FIRRM: variants seen among roughly 807,000 people sequenced by gnomAD.
FIRRM encodes FIGNL1 interacting regulator of recombination and mitosis, also known as FIGNL1-interacting regulator of recombination and mitosis.
chr1:169,839,415 T>A, the FIRRM span, among the ~76,000 whole-genome samples: 1 of 152,214 alleles, frequency 6.6e-6, no homozygotes, highest in Non-Finnish European at 1.5e-5. Flanking sequence ...CTCTGCAGCC[T>A]CACCAGCATC....
chr1:169,853,271 CA>C, the FIRRM span: 2 of 387,868 alleles, frequency 5.2e-6, no homozygotes, highest in Non-Finnish European at 9.2e-6. Flanking sequence ...GAAACCTCAG[CA>C]ATTTAAAATC....
the FIRRM span, among the ~76,000 whole-genome samples, chr1:169,842,743 C>T: frequency 8.5e-5 from 13 of 152,262 alleles, no homozygotes; most frequent in African/African-American, 3.1e-4. Context: ...AATCAGAATA[C>T]GTAATGTGAT....
the FIRRM span, among the ~76,000 whole-genome samples, chr1:169,848,876 G>A: frequency 1.3e-5 from 2 of 152,208 alleles, no homozygotes; most frequent in Non-Finnish European, 2.9e-5. Flanking sequence ...AGATTCATCA[G>A]AACATAGGAG....
chr1:169,836,418 GAA>G, the FIRRM span, among the ~76,000 whole-genome samples: 3 of 152,136 alleles, frequency 2.0e-5, no homozygotes, highest in Admixed American at 2.0e-4. Context: ...TTACCTTTGT[GAA>G]ACTGATTTAG....
At chr1:169,802,824 C>T in the FIRRM span, 1 of 662,586 alleles carries the variant, frequency 1.5e-6, no homozygotes, top group East Asian at 2.7e-5. Flanking sequence ...TATGTAATGG[C>T]CTAATGTTGG....
the FIRRM span, among the ~76,000 whole-genome samples, chr1:169,815,947 CTT>C: frequency 6.6e-6 from 1 of 152,088 alleles, no homozygotes; most frequent in South Asian, 2.1e-4. Context: ...ATTGGGGTCT[CTT>C]ATATTTGGGG....
the FIRRM span, chr1:169,853,848 C>G: frequency 3.2e-6 from 5 of 1,539,132 alleles, no homozygotes; most frequent in East Asian, 4.5e-5. Flanking sequence ...TTTGAAAAAG[C>G]AGGAATTTAA....
the FIRRM span, chr1:169,830,408 A>C: frequency 7.4e-7 from 1 of 1,345,858 alleles, no homozygotes; most frequent in Non-Finnish European, 1.1e-6. Flanking sequence ...AGATAATTTT[A>C]TAATTGTAAG....
chr1:169,799,968 C>G, the FIRRM span, among the ~76,000 whole-genome samples: 16 of 152,088 alleles, frequency 1.1e-4, no homozygotes, highest in Admixed American at 9.8e-4. Context: ...AAGCTATTCT[C>G]CTGCCTCCAT....
the FIRRM span, among the ~76,000 whole-genome samples, chr1:169,816,066 A>G: frequency 6.6e-6 from 1 of 152,200 alleles, no homozygotes; most frequent in African/African-American, 2.4e-5. Flanking sequence ...CGATTTAATA[A>G]AACATTCAGT....
the FIRRM span, chr1:169,807,668 T>C: frequency 3.6e-5 from 29 of 807,088 alleles, no homozygotes; most frequent in Non-Finnish European, 3.4e-5. Flanking sequence ...AGTTATATTA[T>C]GTGATATATG....
At chr1:169,838,638 C>T in the FIRRM span, among the ~76,000 whole-genome samples, 32 of 152,002 alleles carry the variant, frequency 2.1e-4, no homozygotes, top group Admixed American at 1.3e-3. Context: ...TACAGGCACC[C>T]GCCACCATGC....
At chr1:169,818,364 A>G in the FIRRM span, among the ~76,000 whole-genome samples, 1 of 152,224 alleles carries the variant, frequency 6.6e-6, no homozygotes, top group Non-Finnish European at 1.5e-5. Context: ...CTCCAAAGTT[A>G]AACAGTTTTC....
At chr1:169,818,960 T>C in the FIRRM span, among the ~76,000 whole-genome samples, 1 of 152,198 alleles carries the variant, frequency 6.6e-6, no homozygotes, top group Non-Finnish European at 1.5e-5. Flanking sequence ...GTGCTGGGAT[T>C]ACAGGTGAGC....
the FIRRM span, among the ~76,000 whole-genome samples, chr1:169,791,971 C>T: frequency 6.6e-6 from 1 of 152,124 alleles, no homozygotes; most frequent in Non-Finnish European, 1.5e-5. Context: ...TTCCTCCTAC[C>T]AAGACCGCAG....
the FIRRM span, among the ~76,000 whole-genome samples, chr1:169,788,385 T>C: frequency 6.6e-6 from 1 of 152,214 alleles, no homozygotes; most frequent in African/African-American, 2.4e-5. Flanking sequence ...GAATAGTAAA[T>C]ATGTTTTCTC....
the FIRRM span, among the ~76,000 whole-genome samples, chr1:169,837,461 G>A: frequency 8.5e-5 from 13 of 152,218 alleles, 2 homozygotes. Context: ...CCCATTTTAT[G>A]CTAACTTACT....
chr1:169,839,470 T>C, the FIRRM span, among the ~76,000 whole-genome samples: 4 of 152,226 alleles, frequency 2.6e-5, no homozygotes, highest in African/African-American at 2.4e-5. Flanking sequence ...TGGTGTGAGA[T>C]AGTATCTCGT....
the FIRRM span, among the ~76,000 whole-genome samples, chr1:169,788,405 AT>A: frequency 6.6e-6 from 1 of 152,152 alleles, no homozygotes; most frequent in African/African-American, 2.4e-5. Context: ...CTTCCTCCTA[AT>A]TTTTTAACAC....
Sources: allele counts gnomAD v4.1 joint callset (sites outside exome capture counted in the v4.1 genomes callset), GRCh38; gene constraint gnomAD v4.1.1; transcripts MANE v1.5; gene names NCBI Gene and HGNC (gene_info 2026-07-23, HGNC 2026-07-21).